CADPS2: variants seen among roughly 807,000 people sequenced by gnomAD.
CADPS2 encodes calcium-dependent secretion activator 2.
Under a neutral mutation model 172.5 loss-of-function variants are expected in CADPS2, and 93 were observed. That is an observed-to-expected ratio of 0.54 (90% CI 0.46 to 0.64). The LOEUF (loss-of-function observed/expected upper bound fraction) is 0.64, where lower values mean the gene tolerates loss of function less well. CADPS2 is among the 30% of genes least tolerant of loss of function. The pLI, the probability that CADPS2 is intolerant of heterozygous loss-of-function variation, is 0.00. For missense variants in CADPS2, 1,420 were observed against 1,565.9 expected (o/e 0.91, Z 1.57); for synonymous variants, 546 against 555.2 (o/e 0.98, Z 0.23).
At chr7:122,687,408 T>A (rs912377064) in intron 2 of CADPS2, among the ~76,000 whole-genome samples, 10 of 152,294 alleles carry the variant, frequency 6.6e-5, no homozygotes, top group African/African-American at 2.4e-4. Context: ...TAAAAACTAG[T>A]GTTTCAAGCT....
intron 1 of CADPS2, among the ~76,000 whole-genome samples, chr7:122,781,295 A>G (rs914726370): frequency 7.9e-5 from 12 of 152,188 alleles, no homozygotes; most frequent in African/African-American, 2.9e-4. Context: ...ATACTTTGCC[A>G]TCTACATTAC....
In CADPS2 at chr7:122,361,028, T is replaced by G; in HGVS notation, c.3388-15A>C. 6.2e-7 allele frequency: 1 copy of G among 1,601,942 alleles called. No individual in the cohort carries two copies. Among genetic ancestry groups the G allele is most frequent in the Non-Finnish European group, 8.5e-7 (1 of 1,170,030 alleles). On this transcript the variant is annotated splice_polypyrimidine_tract_variant and intron_variant, in intron 25 of 29. Coordinates refer to ENST00000449022, the MANE Select transcript of CADPS2 (RefSeq NM_017954.11). ...ACTGAAACAAACTATAATACAGTTA[T>G]AGTGAGTATTTAGAATGTTACTATG...
intron 2 of CADPS2, among the ~76,000 whole-genome samples, chr7:122,723,711 A>G (rs1390872433): frequency 2.0e-5 from 3 of 152,208 alleles, no homozygotes; most frequent in African/African-American, 7.2e-5. Context: ...TCATGCTGCT[A>G]TAAAGACACA....
chr7:122,817,977 CCTT>C (rs1802011732), intron 1 of CADPS2, among the ~76,000 whole-genome samples: 1 of 151,016 alleles, frequency 6.6e-6, no homozygotes, highest in Non-Finnish European at 1.5e-5. Context: ...TGCCCTGACC[CCTT>C]ATTTCCATGC....
At chr7:122,566,982 G>A (rs1407379516) in intron 7 of CADPS2, among the ~76,000 whole-genome samples, 1 of 152,118 alleles carries the variant, frequency 6.6e-6, no homozygotes, top group Non-Finnish European at 1.5e-5. Flanking sequence ...CAATACAGTA[G>A]ATGCCACTAT....
At position 122,814,602 on chromosome 7, in the gene CADPS2, CATTT is replaced by C. The variant is rs777022856; in HGVS notation, c.339+71393_339+71396del. Among the ~76,000 whole-genome samples the C allele has an allele frequency of 1.0e-3, 156 of 152,162 alleles. 1 individual carries two copies. The highest frequency in any genetic ancestry group is 3.4e-3 in the Middle Eastern group (1 of 294). ...TTATTGGAACACAGCCGTACTCATT[CATTT>C]GTGTACAATTTATTGCTGCTTTTGT... On this transcript the variant is annotated intron_variant, in intron 1 of 29. Coordinates refer to ENST00000449022, the MANE Select transcript of CADPS2 (RefSeq NM_017954.11).
At chr7:122,457,067 A>G (rs1213268658) in intron 14 of CADPS2, among the ~76,000 whole-genome samples, 1 of 152,244 alleles carries the variant, frequency 6.6e-6, no homozygotes, top group East Asian at 1.9e-4. Context: ...AGTAAACAGC[A>G]TTACTCATCC....
At chr7:122,836,364 G>A (rs532444299) in intron 1 of CADPS2, among the ~76,000 whole-genome samples, 1 of 151,964 alleles carries the variant, frequency 6.6e-6, no homozygotes, top group South Asian at 2.1e-4. Flanking sequence ...GGAAGAAACT[G>A]CATCAACTAA....
intron 1 of CADPS2, among the ~76,000 whole-genome samples, chr7:122,865,942 G>T (rs2141379233): frequency 6.6e-6 from 1 of 152,332 alleles, no homozygotes; most frequent in South Asian, 2.1e-4. Flanking sequence ...AAAGACTAAA[G>T]TCTAAGAAGA....
chr7:122,480,701 G>C (rs1003135803), intron 12 of CADPS2, 151 bp downstream of exon 12: 48 of 512,776 alleles, frequency 9.4e-5, no homozygotes, highest in South Asian at 3.3e-4. Context: ...GACATTTTTT[G>C]TTTTGTAATC....
chr7:122,691,048 C>T (rs1389472732), intron 2 of CADPS2, among the ~76,000 whole-genome samples: 1 of 152,232 alleles, frequency 6.6e-6, no homozygotes, highest in African/African-American at 2.4e-5. Flanking sequence ...TGTAACTCTG[C>T]TGCTAAGGGA....
chr7:122,544,019 G>A (rs902648985), intron 8 of CADPS2, among the ~76,000 whole-genome samples: 1 of 152,058 alleles, frequency 6.6e-6, no homozygotes, highest in African/African-American at 2.4e-5. Flanking sequence ...AAAAAGTTTT[G>A]TATTATCTTG....
rs372785373 is a variant in CADPS2 at position 122,629,608 on chromosome 7, C to T, written c.787-280G>A. Among the ~76,000 whole-genome samples the T allele has an allele frequency of 5.3e-5, 8 of 152,202 alleles. No individual in the cohort carries two copies. The East Asian group carries it at 1.4e-3, about 26-fold the overall frequency. ...ATCATTAAGTCAGTCCTAAATAGTT[C>T]CAGAAAGATGAAGCTCTTGTTTTGT... On this transcript the variant is annotated intron_variant, in intron 3 of 29. Coordinates refer to ENST00000449022, the MANE Select transcript of CADPS2 (RefSeq NM_017954.11).
intron 1 of CADPS2, among the ~76,000 whole-genome samples, chr7:122,740,647 T>C (rs1026330306): frequency 3.3e-5 from 5 of 152,088 alleles, no homozygotes; most frequent in African/African-American, 1.2e-4. Context: ...AAATAAACTC[T>C]ATTAAAAATA....
At chr7:122,747,150 T>C (rs548011549) in intron 1 of CADPS2, among the ~76,000 whole-genome samples, 8 of 152,010 alleles carry the variant, frequency 5.3e-5, no homozygotes, top group East Asian at 3.9e-4. Flanking sequence ...TGAAGAGAAA[T>C]AGAAACTTTA....
chr7:122,771,730 T>C (rs1158984963), intron 1 of CADPS2, among the ~76,000 whole-genome samples: 2 of 152,138 alleles, frequency 1.3e-5, no homozygotes, highest in Non-Finnish European at 2.9e-5. Context: ...AACAAGGCAG[T>C]GGATCATTCT....
At chr7:122,436,048 C>T (rs1175715567) in intron 17 of CADPS2, among the ~76,000 whole-genome samples, 2 of 152,032 alleles carry the variant, frequency 1.3e-5, no homozygotes, top group Non-Finnish European at 2.9e-5. Context: ...ACCTATTATA[C>T]AGCAGAATGC....
intron 1 of CADPS2, among the ~76,000 whole-genome samples, chr7:122,813,167 C>A (rs1563078211): frequency 6.6e-6 from 1 of 152,054 alleles, no homozygotes; most frequent in Admixed American, 6.6e-5. Flanking sequence ...GAGAAAACTG[C>A]AAGCTAATTA....
At chr7:122,705,893 A>AATATATAATATAAT (rs1554736653) in intron 2 of CADPS2, among the ~76,000 whole-genome samples, 1 of 5,648 alleles carries the variant, frequency 1.8e-4, no homozygotes, top group African/African-American at 4.0e-4. Flanking sequence ...TAATAAATAT[A>AATATATAATATAAT]ATATAATATA....
Sources: gnomAD v4.1 joint callset for allele counts (sites outside exome capture counted in the v4.1 genomes callset) on GRCh38, gnomAD v4.1.1 for gene constraint, MANE v1.5 for transcripts, NCBI Gene and HGNC (gene_info 2026-07-23, HGNC 2026-07-21) for gene names.